IDE: variants seen among roughly 807,000 people sequenced by gnomAD.
The protein encoded by IDE is insulin degrading enzyme.
In IDE, 58 loss-of-function variants were observed where a neutral mutation model predicts 133.2. That is an observed-to-expected ratio of 0.44 (90% CI 0.35 to 0.54). IDE has a LOEUF of 0.54. IDE is among the 20% of genes least tolerant of loss of function. The pLI, the probability that IDE is intolerant of heterozygous loss-of-function variation, is 0.00. For synonymous variants in IDE, 396 were observed against 421.3 expected (o/e 0.94, Z 0.73); for missense variants, 981 against 1,234.0 (o/e 0.79, Z 3.07).
intron 12 of IDE, among the ~76,000 whole-genome samples, chr10:92,488,336 A>G (rs1461335928): frequency 6.6e-6 from 1 of 152,098 alleles, no homozygotes; most frequent in East Asian, 1.9e-4. Flanking sequence ...ACTCCCCTCA[A>G]TCTGCCCACC....
intron 14 of IDE, chr10:92,479,835 C>A (rs1163626106): frequency 6.5e-6 from 1 of 154,514 alleles, no homozygotes; most frequent in East Asian, 1.9e-4. Flanking sequence ...CCCTCTCTCT[C>A]CAATAAAGTC....
At chr10:92,557,178 C>G (rs1843053006) in intron 1 of IDE, among the ~76,000 whole-genome samples, 1 of 152,112 alleles carries the variant, frequency 6.6e-6, no homozygotes, top group South Asian at 2.1e-4. Flanking sequence ...AGCTGGAAGA[C>G]TCAAACTGCC....
chr10:92,473,353 T>C (rs1846079030), intron 17 of IDE, among the ~76,000 whole-genome samples: 1 of 152,036 alleles, frequency 6.6e-6, no homozygotes, highest in Non-Finnish European at 1.5e-5. Flanking sequence ...CCAATCTACA[T>C]TTTTTTCCAG....
At chr10:92,475,552 C>T (rs775890413) in intron 16 of IDE, among the ~76,000 whole-genome samples, 3 of 152,066 alleles carry the variant, frequency 2.0e-5, no homozygotes, top group South Asian at 4.2e-4. Flanking sequence ...TGCTGAATTG[C>T]GTGTTCTTCT....
intron 1 of IDE, among the ~76,000 whole-genome samples, chr10:92,551,039 C>A (rs561784781): frequency 2.6e-5 from 4 of 152,278 alleles, no homozygotes; most frequent in African/African-American, 9.6e-5. Flanking sequence ...TGTGATCTAA[C>A]AATTCCACTT....
chr10:92,572,591 C>T (rs576193121), intron 1 of IDE, among the ~76,000 whole-genome samples: 2 of 152,166 alleles, frequency 1.3e-5, no homozygotes, highest in African/African-American at 4.8e-5. Context: ...AACTTTCCAG[C>T]TCAAAAACTT....
At chr10:92,509,303 C>T (rs959566831) in intron 6 of IDE, among the ~76,000 whole-genome samples, 1 of 152,008 alleles carries the variant, frequency 6.6e-6, no homozygotes, top group African/African-American at 2.4e-5. Flanking sequence ...TATTTAAAAC[C>T]ACATGGGGGC....
intron 22 of IDE, 145 bp from the exon 23 acceptor site, chr10:92,456,576 T>C (rs1237821874): frequency 6.0e-6 from 4 of 664,182 alleles, no homozygotes; most frequent in Non-Finnish European, 5.4e-6. Flanking sequence ...CAGTGGCTCA[T>C]GCCTGTAATC....
intron 8 of IDE, 84 bp from the exon 9 acceptor site, chr10:92,507,750 A>T (rs1848373805): frequency 7.4e-6 from 6 of 810,932 alleles, no homozygotes; most frequent in African/African-American, 1.7e-5. Context: ...AAAGTCAGAT[A>T]AGTGGAAGAT....
chr10:92,456,047 G>A (rs1159054861), intron 23 of IDE, among the ~76,000 whole-genome samples: 1 of 152,298 alleles, frequency 6.6e-6, no homozygotes, highest in East Asian at 1.9e-4. Flanking sequence ...GGAAACGAAA[G>A]GACTGGGAAG....
intron 9 of IDE, 81 bp downstream of exon 9, chr10:92,507,494 G>T: frequency 1.3e-6 from 1 of 792,634 alleles, no homozygotes; most frequent in African/African-American, 1.7e-5. Context: ...GTTTAACTGG[G>T]CCTTAAATTT....
chr10:92,547,832 C>T (rs1163316950), intron 1 of IDE, among the ~76,000 whole-genome samples: 1 of 152,170 alleles, frequency 6.6e-6, no homozygotes, highest in African/African-American at 2.4e-5. Context: ...TAATTACATA[C>T]CCTCACCTTT....
chr10:92,510,660 A>ACATACATCTCACATATATGATATATATCG (rs1275292108), intron 5 of IDE, among the ~76,000 whole-genome samples: 85 of 151,512 alleles, frequency 5.6e-4, no homozygotes, highest in African/African-American at 1.8e-3. Flanking sequence ...GATATATATC[A>ACATACATCTCACATATATGATATATATCG]CATACATCTC....
chr10:92,532,639 A>C (rs979341089), intron 3 of IDE, among the ~76,000 whole-genome samples: 4 of 152,146 alleles, frequency 2.6e-5, no homozygotes, highest in Non-Finnish European at 5.9e-5. Context: ...GCTATTCCTT[A>C]ATAATAATAC....
chr10:92,468,161 T>C (rs1019440144), intron 19 of IDE, among the ~76,000 whole-genome samples: 1 of 151,922 alleles, frequency 6.6e-6, no homozygotes, highest in African/African-American at 2.4e-5. Context: ...CACTGGCCCA[T>C]GAAGAAGAAG....
At chr10:92,462,317 TAAAA>T (rs57235158) in intron 21 of IDE, among the ~76,000 whole-genome samples, 1 of 75,168 alleles carries the variant, frequency 1.3e-5, no homozygotes, top group African/African-American at 5.0e-5. Flanking sequence ...AACTGTCTCA[TAAAA>T]AAAAAAAAAA....
chr10:92,573,531 C>T (rs2135868278), intron 1 of IDE, among the ~76,000 whole-genome samples: 1 of 152,360 alleles, frequency 6.6e-6, no homozygotes, highest in Admixed American at 6.5e-5. Context: ...CCCCACGGCT[C>T]GAGTCCGCCT....
chr10:92,541,225 T>A (rs903437535), intron 1 of IDE: 3 of 376,152 alleles, frequency 8.0e-6, no homozygotes, highest in African/African-American at 4.3e-5. Context: ...TTCCTGGCAA[T>A]CCTATTCAAT....
At chr10:92,462,673 C>T (rs1564592517) in intron 21 of IDE, among the ~76,000 whole-genome samples, 1 of 152,212 alleles carries the variant, frequency 6.6e-6, no homozygotes, top group Non-Finnish European at 1.5e-5. Context: ...CCAGGCCAGC[C>T]TGGATTCACA....
Sources: allele counts gnomAD v4.1 joint callset (sites outside exome capture counted in the v4.1 genomes callset), GRCh38; gene constraint gnomAD v4.1.1; transcripts MANE v1.5; gene names NCBI Gene and HGNC (gene_info 2026-07-23, HGNC 2026-07-21).